Variants in UGT2B11 observed in about 807,000 individuals in gnomAD.
UGT2B11 encodes UDP glucuronosyltransferase family 2 member B11.
A neutral mutation model predicts 51.7 loss-of-function variants in UGT2B11; 49 were observed. The observed-to-expected ratio is 0.95, with a 90% CI of 0.75 to 1.20. The LOEUF is 1.20. UGT2B11 is among the 50% of genes most tolerant of loss of function. The probability of loss-of-function intolerance (pLI) is 0.00; values close to 1 mark genes in which losing one functional copy is unlikely to be tolerated. For synonymous variants in UGT2B11, 273 were observed against 209.0 expected, an observed-to-expected ratio of 1.31 and a Z score of -2.64; for missense variants, 810 against 622.1, an observed-to-expected ratio of 1.30 and a Z score of -3.21.
At chr4:69,223,203 C>T in the UGT2B11 span, among the ~76,000 whole-genome samples, 2 of 152,164 alleles carry the variant, frequency 1.3e-5, no homozygotes, top group Non-Finnish European at 2.9e-5. Flanking sequence ...AGAAGACAAT[C>T]AGCCACTTCT....
In UGT2B11 at chr4:69,209,374, G is replaced by C. The variant is rs186358844; in HGVS notation, c.871-892C>G. On this transcript the variant is annotated intron_variant, in intron 2 of 5. Coordinates refer to ENST00000446444, the MANE Select transcript of UGT2B11 (RefSeq NM_001073.3). ...GCACCAGAATAGGAGAGGCCACCAG[G>C]CCTTTCTTCAGGAGAGATCTTGTCT... Among the ~76,000 whole-genome samples, 12 of 151,764 alleles carry C rather than the reference G, an allele frequency of 7.9e-5. No individual in the cohort carries two copies. In the East Asian group the frequency reaches 2.3e-3, roughly 30 times the overall value.
chr4:69,203,410 T>C (rs1393479353), intron 5 of UGT2B11, among the ~76,000 whole-genome samples: 1 of 151,754 alleles, frequency 6.6e-6, no homozygotes, highest in Non-Finnish European at 1.5e-5. Flanking sequence ...CTGATGGTAG[T>C]GATGAATGCA....
intron 5 of UGT2B11, 43 bp downstream of exon 5, chr4:69,204,387 C>T (rs1354034288): frequency 6.2e-7 from 1 of 1,606,834 alleles, no homozygotes. Flanking sequence ...ACAAGAGAAG[C>T]TGTCCACAAA....
In UGT2B11 at chr4:69,200,358, C is replaced by A; in HGVS notation, c.*82G>T. Reference sequence around the variant, plus strand: ...TTGTCACAGGAAGAAAGAAATCTTGCATAACAATCTTTTCTTTCTTGCTGG... The same window carrying A: ...TTGTCACAGGAAGAAAGAAATCTTGAATAACAATCTTTTCTTTCTTGCTGG... On this transcript the variant is annotated 3_prime_UTR_variant, in exon 6 of 6. Transcript: ENST00000446444. 4.1e-6 allele frequency: 4 copies of A among 967,862 alleles called. No individual in the cohort carries two copies. The highest frequency in any genetic ancestry group is 3.5e-5 in the Admixed American group (1 of 28,734). The allele number at this position is 967,862 out of a possible 1,614,324, so 60.0% of individuals were successfully genotyped here.
intron 5 of UGT2B11, 174 bp downstream of exon 5, chr4:69,204,256 T>G: frequency 9.1e-7 from 1 of 1,099,828 alleles, no homozygotes; most frequent in Non-Finnish European, 1.3e-6. Flanking sequence ...ATGTATGGGA[T>G]TCAAACACAA....
intron 4 of UGT2B11, 53 bp downstream of exon 4, chr4:69,205,427 C>T (rs1259731323): frequency 9.5e-6 from 15 of 1,575,312 alleles, no homozygotes; most frequent in Non-Finnish European, 1.3e-5. Context: ...GTTTCATTAA[C>T]CCTCTAATGT....
chr4:69,200,847 G>T (rs1721631117), intron 5 of UGT2B11, 128 bp from the exon 6 acceptor site: 1 of 1,190,362 alleles, frequency 8.4e-7, no homozygotes, highest in African/African-American at 1.6e-5. Flanking sequence ...CAGAGAATTT[G>T]TGTATTTTAA....
chr4:69,223,312 G>T, the UGT2B11 span, among the ~76,000 whole-genome samples: 2 of 152,224 alleles, frequency 1.3e-5, no homozygotes, highest in East Asian at 3.9e-4. Flanking sequence ...ACACAGGGAT[G>T]CCCGCACCGC....
At chr4:69,215,845 A>G (rs1445995757), upstream of UGT2B11, 2 of 151,352 alleles carry the variant, frequency 1.3e-5, no homozygotes, top group South Asian at 4.3e-4. Flanking sequence ...CAACAGACCC[A>G]AAAAAGGAAG....
At chr4:69,206,467 G>A (rs993776220) in intron 3 of UGT2B11, among the ~76,000 whole-genome samples, 22 of 151,544 alleles carry the variant, frequency 1.5e-4, no homozygotes, top group African/African-American at 5.1e-4. Context: ...ACACTGAGAT[G>A]TATTGGAGGG....
chr4:69,223,355 C>T, the UGT2B11 span, among the ~76,000 whole-genome samples: 12 of 152,146 alleles, frequency 7.9e-5, no homozygotes, highest in Non-Finnish European at 2.9e-5. Context: ...TCTCTTAGGG[C>T]GTCCCCCACA....
At chr4:69,220,250 C>T in the UGT2B11 span, among the ~76,000 whole-genome samples, 1 of 44,640 alleles carries the variant, frequency 2.2e-5, no homozygotes, top group Non-Finnish European at 4.1e-5. Context: ...ATTCCATGGT[C>T]TTCGGCAGTT....
chr4:69,205,236 G>T (rs2109943055), intron 4 of UGT2B11, among the ~76,000 whole-genome samples: 1 of 151,782 alleles, frequency 6.6e-6, no homozygotes, highest in South Asian at 2.1e-4. Flanking sequence ...GGAAGATATT[G>T]AAAAATTCTG....
rs1037266310 is a variant in UGT2B11, at chr4:69,213,967, T to A, written c.721+35A>T. The stretch of plus-strand genomic sequence containing the variant: ...CTCTGCTTCAAAGACACAAATAAGT[T>A]AGATCTTCACGTTACCGATTAAACA... On this transcript the variant is annotated intron_variant, in intron 1 of 5. Coordinates refer to ENST00000446444, the MANE Select transcript of UGT2B11 (RefSeq NM_001073.3). 2.6e-6 allele frequency: 4 copies of A among 1,518,254 alleles called. No individual in the cohort carries two copies. The Admixed American group carries it at 6.7e-5, about 25-fold the overall frequency. 94.0% of individuals were successfully genotyped at this position (1,518,254 alleles called of 1,614,324 possible).
chr4:69,204,982 T>G (rs1057245331), intron 4 of UGT2B11, among the ~76,000 whole-genome samples: 3 of 151,624 alleles, frequency 2.0e-5, no homozygotes, highest in Non-Finnish European at 4.4e-5. Flanking sequence ...GAGTGTGATA[T>G]GCGGGGTATG....
chr4:69,224,096 AG>A, the UGT2B11 span, among the ~76,000 whole-genome samples: 1 of 152,166 alleles, frequency 6.6e-6, no homozygotes, highest in Non-Finnish European at 1.5e-5. Context: ...TGATCCTCGG[AG>A]GGCACCATGA....
chr4:69,215,872 TG>T (rs1481139831), upstream of UGT2B11: 3 of 152,016 alleles, frequency 2.0e-5, no homozygotes, highest in Non-Finnish European at 4.4e-5. Flanking sequence ...TTCCACATAT[TG>T]GAGGGAAAAG....
the UGT2B11 span, among the ~76,000 whole-genome samples, chr4:69,223,021 A>T: frequency 6.6e-6 from 1 of 152,296 alleles, no homozygotes; most frequent in Middle Eastern, 3.4e-3. Flanking sequence ...GGCTTGGCAC[A>T]GGTCAGTACT....
At position 69,205,549 on chromosome 4, in the gene UGT2B11, C is replaced by T. The variant is rs749630839; in HGVS notation, c.1021G>A (p.Gly341Arg). Residue 341 changes from glycine to arginine, a missense_variant, in exon 4 of 6, where the codon GGG becomes AGG. Transcript: ENST00000446444. ...AGACCTAAGGCATCTGGTTTATTCC[C>T]GTCAAATCTCCACAGAACCTGTTAC... ...IPQKVLWRFD[G>R]NKPDALGLNT... 4.4e-5 allele frequency: 71 copies of T among 1,610,052 alleles called. 2 individuals are homozygous for T. The highest frequency in any genetic ancestry group is 1.7e-4 in the African/African-American group (13 of 74,706).
Sources: gnomAD v4.1 joint callset for allele counts (sites outside exome capture counted in the v4.1 genomes callset) on GRCh38, gnomAD v4.1.1 for gene constraint, MANE v1.5 for transcripts, NCBI Gene and HGNC (gene_info 2026-07-23, HGNC 2026-07-21) for gene names.